Variants in EPB41L4A observed in about 807,000 individuals in gnomAD.
EPB41L4A encodes the protein erythrocyte membrane protein band 4.1 like 4A.
Under a neutral mutation model 108.6 loss-of-function variants are expected in EPB41L4A, and 100 were observed. The observed-to-expected ratio is 0.92, with a 90% confidence interval of 0.78 to 1.09. The LOEUF (loss-of-function observed/expected upper bound fraction) is 1.09, where lower values mean the gene tolerates loss of function less well. Ranked by LOEUF, EPB41L4A falls within the 50% of genes least tolerant of loss-of-function variation. EPB41L4A has a pLI of 0.00. For synonymous variants in EPB41L4A, 319 were observed against 289.0 expected, an observed-to-expected ratio of 1.10 and a Z score of -1.05; for missense variants, 1,030 against 842.7, an observed-to-expected ratio of 1.22 and a Z score of -2.75.
intron 18 of EPB41L4A, among the ~76,000 whole-genome samples, chr5:112,179,525 C>G (rs557917906): frequency 1.1e-4 from 17 of 152,196 alleles, no homozygotes; most frequent in African/African-American, 4.1e-4. Context: ...ATGTGTCATT[C>G]AAAATTGAAT....
intron 1 of EPB41L4A, among the ~76,000 whole-genome samples, chr5:112,373,696 G>C (rs1759634559): frequency 1.3e-5 from 2 of 152,186 alleles, no homozygotes; most frequent in African/African-American, 4.8e-5. Context: ...CAGGAAGTCT[G>C]GCTGCAGTCC....
chr5:112,331,463 T>C (rs1167145155), intron 1 of EPB41L4A, among the ~76,000 whole-genome samples: 1 of 152,162 alleles, frequency 6.6e-6, no homozygotes, highest in African/African-American at 2.4e-5. Context: ...GCCTCAGGGA[T>C]CCCCCAACTG....
At chr5:112,162,404 C>T (rs567916630), downstream of EPB41L4A, 2 of 152,332 alleles carry the variant, frequency 1.3e-5, no homozygotes, top group African/African-American at 2.4e-5. Context: ...GTATTCACTG[C>T]TGTCACCATA....
chr5:112,380,153 G>A (rs887689014), intron 1 of EPB41L4A, among the ~76,000 whole-genome samples: 1 of 152,082 alleles, frequency 6.6e-6, no homozygotes, highest in African/African-American at 2.4e-5. Context: ...GGACCACACA[G>A]GAGCAGTCAG....
chr5:112,302,461 C>T (rs1047561260), intron 2 of EPB41L4A, among the ~76,000 whole-genome samples: 2 of 152,106 alleles, frequency 1.3e-5, no homozygotes, highest in South Asian at 2.1e-4. Flanking sequence ...GAGAGGCATC[C>T]GAGTAGTGAA....
At chr5:112,321,447 C>T (rs970363514) in intron 1 of EPB41L4A, among the ~76,000 whole-genome samples, 1 of 152,156 alleles carries the variant, frequency 6.6e-6, no homozygotes, top group Admixed American at 6.5e-5. Flanking sequence ...TTAGGGCACA[C>T]AAATCTGCAA....
chr5:112,396,625 A>C (rs897685299), intron 1 of EPB41L4A, among the ~76,000 whole-genome samples: 2 of 152,212 alleles, frequency 1.3e-5, no homozygotes, highest in African/African-American at 2.4e-5. Flanking sequence ...TCAAATTCCA[A>C]AGTAGTCCAG....
At chr5:112,307,768 C>T (rs1754791711) in intron 1 of EPB41L4A, among the ~76,000 whole-genome samples, 2 of 152,046 alleles carry the variant, frequency 1.3e-5, no homozygotes, top group South Asian at 4.1e-4. Flanking sequence ...ATCTTCAGGA[C>T]AAAATTCTTC....
intron 1 of EPB41L4A, among the ~76,000 whole-genome samples, chr5:112,354,599 A>T (rs765031590): frequency 5.9e-5 from 9 of 152,236 alleles, no homozygotes; most frequent in Non-Finnish European, 1.3e-4. Context: ...AAAATTTAAC[A>T]TAAGTTATCA....
chr5:112,223,305 C>T (rs1748205640), intron 12 of EPB41L4A, among the ~76,000 whole-genome samples: 1 of 152,082 alleles, frequency 6.6e-6, no homozygotes, highest in African/African-American at 2.4e-5. Context: ...TAACCCTGAA[C>T]TCTGAGAACC....
intron 2 of EPB41L4A, among the ~76,000 whole-genome samples, chr5:112,286,694 G>C (rs1047595399): frequency 8.5e-5 from 13 of 152,100 alleles, no homozygotes; most frequent in African/African-American, 3.1e-4. Context: ...CAGGAACATG[G>C]TTCCAGCAAC....
At chr5:112,414,078 G>C (rs928314864) in intron 1 of EPB41L4A, among the ~76,000 whole-genome samples, 7 of 152,202 alleles carry the variant, frequency 4.6e-5, no homozygotes, top group South Asian at 2.1e-4. Flanking sequence ...GACTCGGCTA[G>C]TAAGTAATTA....
intron 1 of EPB41L4A, among the ~76,000 whole-genome samples, chr5:112,366,238 C>T (rs1354772931): frequency 6.6e-6 from 1 of 151,454 alleles, no homozygotes; most frequent in African/African-American, 2.4e-5. Flanking sequence ...TTTTTATTCC[C>T]AGTTTTATTT....
At chr5:112,318,760 C>T (rs535411765) in intron 1 of EPB41L4A, among the ~76,000 whole-genome samples, 25 of 152,304 alleles carry the variant, frequency 1.6e-4, no homozygotes, top group Admixed American at 1.4e-3. Flanking sequence ...ATGTTCTCAG[C>T]CCAGAAATAT....
chr5:112,224,021 G>A lies in EPB41L4A; in HGVS notation c.1087+10613C>T, dbSNP rs950387145. Among the ~76,000 whole-genome samples, 6 of 152,232 alleles carry A rather than the reference G, an allele frequency of 3.9e-5. No homozygotes were observed. The South Asian group carries it at 8.3e-4, about 21-fold the overall frequency. Reference sequence around the variant, plus strand: ...TACTGGAGTGCAGTGGCGCGATCTCGGCTCATTGCAGCCTCCGCCCCGCAG... The same window carrying A: ...TACTGGAGTGCAGTGGCGCGATCTCAGCTCATTGCAGCCTCCGCCCCGCAG... On this transcript the variant is annotated intron_variant, in intron 12 of 22. Coordinates refer to ENST00000261486, the MANE Select transcript of EPB41L4A (RefSeq NM_022140.5).
At chr5:112,327,860 T>A (rs1475535204) in intron 1 of EPB41L4A, among the ~76,000 whole-genome samples, 1 of 152,228 alleles carries the variant, frequency 6.6e-6, no homozygotes, top group Non-Finnish European at 1.5e-5. Context: ...TGGGGTTTGG[T>A]TGTCCAGTCA....
intron 18 of EPB41L4A, among the ~76,000 whole-genome samples, chr5:112,180,035 G>A (rs1416580017): frequency 6.6e-6 from 1 of 152,014 alleles, no homozygotes; most frequent in Non-Finnish European, 1.5e-5. Context: ...AAAAACAACT[G>A]AAAAATAAAT....
chr5:112,305,229 C>T (rs905935369), intron 2 of EPB41L4A, among the ~76,000 whole-genome samples: 2 of 152,052 alleles, frequency 1.3e-5, no homozygotes, highest in African/African-American at 4.8e-5. Context: ...GATAATAATA[C>T]TTTAGAGAAC....
At chr5:112,149,473 A>T (rs1416781946) in intron 12 of EPB41L4A, among the ~76,000 whole-genome samples, 1 of 152,214 alleles carries the variant, frequency 6.6e-6, no homozygotes, top group African/African-American at 2.4e-5. Context: ...CTCCATTTCA[A>T]AAAGAAAAAG....
Sources: gnomAD v4.1 joint callset for allele counts (sites outside exome capture counted in the v4.1 genomes callset) on GRCh38, gnomAD v4.1.1 for gene constraint, MANE v1.5 for transcripts, NCBI Gene and HGNC (gene_info 2026-07-23, HGNC 2026-07-21) for gene names.